The following TOPAZ1 variants were observed in gnomAD, a reference collection of about 807,000 sequenced individuals.
TOPAZ1 encodes protein TOPAZ1.
Under a neutral mutation model 172.2 loss-of-function variants are expected in TOPAZ1, and 66 were observed. The ratio of observed to expected loss-of-function variants is 0.38; its 90% CI spans 0.31 to 0.47. The LOEUF (loss-of-function observed/expected upper bound fraction) is 0.47, where lower values mean the gene tolerates loss of function less well. Ranked by LOEUF, TOPAZ1 falls within the 20% of genes least tolerant of loss-of-function variation. The pLI is 0.99. For missense variants in TOPAZ1, 1,822 were observed against 1,972.4 expected (o/e 0.92, Z 1.44); for synonymous variants, 681 against 683.9 (o/e 1.00, Z 0.07).
At chr3:44,262,815 A>G (rs111850127) in intron 5 of TOPAZ1, among the ~76,000 whole-genome samples, 2 of 152,350 alleles carry the variant, frequency 1.3e-5, no homozygotes, top group East Asian at 1.9e-4. Flanking sequence ...AGGATCTTAC[A>G]TAGTTGCAGC....
At chr3:44,328,082 A>G (rs962882186) in intron 18 of TOPAZ1, among the ~76,000 whole-genome samples, 168 bp from the exon 19 acceptor site, 8 of 152,194 alleles carry the variant, frequency 5.3e-5, no homozygotes, top group African/African-American at 1.2e-4. Flanking sequence ...AGCACTTTAC[A>G]AAGAATAATG....
At chr3:44,245,601 A>G (rs1699555868) in intron 2 of TOPAZ1, among the ~76,000 whole-genome samples, 1 of 137,344 alleles carries the variant, frequency 7.3e-6, no homozygotes, top group Non-Finnish European at 1.5e-5. Flanking sequence ...CAGTGGCGCA[A>G]TCTCAGCTCA....
At chr3:44,333,962 C>G (rs777203914), downstream of TOPAZ1, among the ~76,000 whole-genome samples, 1 of 152,094 alleles carries the variant, frequency 6.6e-6, no homozygotes, top group African/African-American at 2.4e-5. Context: ...TAATTTGGAC[C>G]GTATTAGCCA....
chr3:44,268,793 T>G (rs1423122311), intron 6 of TOPAZ1, among the ~76,000 whole-genome samples: 1 of 152,146 alleles, frequency 6.6e-6, no homozygotes, highest in East Asian at 1.9e-4. Context: ...TATAGTCATA[T>G]TGAGGGTTAG....
chr3:44,326,031 A>G (rs1410679521), intron 18 of TOPAZ1, among the ~76,000 whole-genome samples: 1 of 152,226 alleles, frequency 6.6e-6, no homozygotes, highest in African/African-American at 2.4e-5. Context: ...TTGCTAAACA[A>G]TATTCTATAA....
chr3:44,246,898 A>G (rs949591817), intron 2 of TOPAZ1, among the ~76,000 whole-genome samples: 1 of 152,240 alleles, frequency 6.6e-6, no homozygotes, highest in Non-Finnish European at 1.5e-5. Flanking sequence ...TTGGAGGAAT[A>G]CAAAGGAAAA....
intron 13 of TOPAZ1, among the ~76,000 whole-genome samples, chr3:44,304,603 A>G (rs1403917592): frequency 3.9e-5 from 6 of 152,196 alleles, no homozygotes. Flanking sequence ...TCTTAAGACA[A>G]CTTTTTTTCT....
chr3:44,255,712 CACACACACAT>C (rs199963194), intron 3 of TOPAZ1, among the ~76,000 whole-genome samples: 24,665 of 95,896 alleles, frequency 0.26, 3,792 homozygotes, highest in Middle Eastern at 0.27. Flanking sequence ...CACACACACA[CACACACACAT>C]ATATATATGG....
chr3:44,289,215 G>A (rs890385570), intron 11 of TOPAZ1, among the ~76,000 whole-genome samples: 7 of 152,090 alleles, frequency 4.6e-5, no homozygotes, highest in East Asian at 1.9e-4. Context: ...GTCAAAAGTC[G>A]TTGCAAGGTC....
chr3:44,291,491 C>T (rs999996315), intron 12 of TOPAZ1, among the ~76,000 whole-genome samples: 2 of 151,766 alleles, frequency 1.3e-5, no homozygotes, highest in African/African-American at 4.8e-5. Flanking sequence ...ATCCCAGTTA[C>T]TCAGGAGACT....
downstream of TOPAZ1, among the ~76,000 whole-genome samples, chr3:44,332,758 GA>G (rs1303019823): frequency 5.3e-5 from 8 of 150,972 alleles, no homozygotes; most frequent in Non-Finnish European, 1.0e-4. Context: ...TAAAAAGTGT[GA>G]ATAAGGTGAG....
rs143874790 is a variant in TOPAZ1 at position 44,249,314 on chromosome 3, G to A, written c.2765+4043G>A. Among the ~76,000 whole-genome samples the A allele has an allele frequency of 1.2e-3, 187 of 152,150 alleles. 3 individuals carry two copies. The highest frequency in any genetic ancestry group is 9.2e-3 in the Admixed American group (140 of 15,280). ...AACTGAAGTACTAAGAGTAGTAGGA[G>A]TTTAGAAAAGAGAAGAATGAAAGAA... On this transcript the variant is annotated intron_variant, in intron 2 of 19. Transcript: ENST00000309765.
chr3:44,297,765 C>G (rs951597684), intron 12 of TOPAZ1, among the ~76,000 whole-genome samples: 1 of 151,638 alleles, frequency 6.6e-6, no homozygotes, highest in Non-Finnish European at 1.5e-5. Context: ...AAAAAACACT[C>G]TCCTAGAACT....
At chr3:44,271,397 T>A (rs1378717700) in intron 8 of TOPAZ1, among the ~76,000 whole-genome samples, 1 of 152,180 alleles carries the variant, frequency 6.6e-6, no homozygotes, top group Non-Finnish European at 1.5e-5. Context: ...TGAGCACTTT[T>A]CAATGTTTAT....
At chr3:44,257,948 C>T (rs1699733337) in intron 4 of TOPAZ1, among the ~76,000 whole-genome samples, 1 of 151,998 alleles carries the variant, frequency 6.6e-6, no homozygotes, top group African/African-American at 2.4e-5. Flanking sequence ...AATGAAGATT[C>T]ATAAGAGGTT....
chr3:44,306,291 T>A (rs1462608157), intron 14 of TOPAZ1, 35 bp from the exon 15 acceptor site: 3 of 1,352,720 alleles, frequency 2.2e-6, no homozygotes, highest in African/African-American at 2.9e-5. Flanking sequence ...TAAGTGACTA[T>A]TTTATTTTCT....
At chr3:44,333,251 C>G (rs539577410), downstream of TOPAZ1, among the ~76,000 whole-genome samples, 8 of 152,056 alleles carry the variant, frequency 5.3e-5, no homozygotes, top group Non-Finnish European at 1.2e-4. Context: ...TGATTACTAT[C>G]GATGAAATGT....
At chr3:44,242,609 G>A (rs188334191) in intron 1 of TOPAZ1, among the ~76,000 whole-genome samples, 3 of 152,232 alleles carry the variant, frequency 2.0e-5, no homozygotes, top group Admixed American at 2.0e-4. Context: ...TCCTACTTGT[G>A]GTCCATTTTG....
chr3:44,264,582 A>G (rs1699809103), intron 5 of TOPAZ1, among the ~76,000 whole-genome samples: 1 of 152,144 alleles, frequency 6.6e-6, no homozygotes, highest in Non-Finnish European at 1.5e-5. Flanking sequence ...GGCTGTGGCA[A>G]TTTCTTAAAA....
Sources: allele counts gnomAD v4.1 joint callset (sites outside exome capture counted in the v4.1 genomes callset), GRCh38; gene constraint gnomAD v4.1.1; transcripts MANE v1.5; gene names NCBI Gene and HGNC (gene_info 2026-07-23, HGNC 2026-07-21).